The following OLFML2B variants were observed in gnomAD, a reference collection of about 807,000 sequenced individuals.
OLFML2B encodes the protein olfactomedin-like protein 2B.
In OLFML2B, 57 loss-of-function variants were observed where a neutral mutation model predicts 74.9. That is an observed-to-expected ratio of 0.76 (90% CI 0.61 to 0.95). OLFML2B has a LOEUF of 0.95. Ranked by LOEUF, OLFML2B falls within the 40% of genes least tolerant of loss-of-function variation. The probability of loss-of-function intolerance (pLI) is 0.00; values close to 1 mark genes in which losing one functional copy is unlikely to be tolerated. For synonymous variants in OLFML2B, 388 were observed against 405.8 expected, an observed-to-expected ratio of 0.96 and a Z score of 0.53; for missense variants, 986 against 970.6, an observed-to-expected ratio of 1.02 and a Z score of -0.21.
chr1:162,005,709 G>A (rs912395899), intron 4 of OLFML2B, among the ~76,000 whole-genome samples: 28 of 151,972 alleles, frequency 1.8e-4, no homozygotes, highest in African/African-American at 6.5e-4. Context: ...CGCATTTACA[G>A]AAAATACATA....
rs1558071727 is a variant in OLFML2B at position 162,023,257 on chromosome 1, C to T, written c.174G>A (p.Gln58=). Residue 58 remains glutamine, a splice_region_variant and synonymous_variant, in exon 1 of 8, where the codon CAG becomes CAA. Coordinates refer to ENST00000294794, the MANE Select transcript of OLFML2B (RefSeq NM_015441.3). The part of the protein sequence containing the change: ...EADNQENVLS[Q]LLGDYDKVKA... Reference sequence around the variant, plus strand: ...GCGGTCGTGGCACTCTGCATCCTACCTGAGATAAAACGTTCTCCTGGTTGT... The same window carrying T: ...GCGGTCGTGGCACTCTGCATCCTACTTGAGATAAAACGTTCTCCTGGTTGT... 2.6e-6 allele frequency: 4 copies of T among 1,530,914 alleles called. No homozygotes were observed. The highest frequency in any genetic ancestry group is 2.7e-6 in the Non-Finnish European group (3 of 1,131,018). The allele number at this position is 1,530,914 out of a possible 1,614,324, so 94.8% of individuals were successfully genotyped here.
chr1:162,015,961 C>A (rs962537211), intron 3 of OLFML2B, among the ~76,000 whole-genome samples: 1 of 152,180 alleles, frequency 6.6e-6, no homozygotes, highest in Non-Finnish European at 1.5e-5. Flanking sequence ...GACCTACCAA[C>A]CCTCCCAGAG....
intron 3 of OLFML2B, among the ~76,000 whole-genome samples, chr1:162,015,936 T>G (rs925830333): frequency 6.6e-6 from 1 of 152,176 alleles, no homozygotes; most frequent in Non-Finnish European, 1.5e-5. Context: ...AGACCTCATA[T>G]CTGATGTGAT....
chr1:161,986,474 C>T (rs1689595883), intron 6 of OLFML2B, among the ~76,000 whole-genome samples: 1 of 152,194 alleles, frequency 6.6e-6, no homozygotes. Context: ...GGCCCCATAG[C>T]TGGGTGCAGT....
chr1:162,013,372 T>C (rs1454899971), intron 3 of OLFML2B, among the ~76,000 whole-genome samples: 1 of 152,044 alleles, frequency 6.6e-6, no homozygotes, highest in Non-Finnish European at 1.5e-5. Context: ...GTTTCAGACC[T>C]CCCCCAGTGA....
chr1:162,004,542 G>T (rs553402049), intron 4 of OLFML2B, among the ~76,000 whole-genome samples: 52 of 152,220 alleles, frequency 3.4e-4, no homozygotes, highest in African/African-American at 1.2e-3. Context: ...CTCAGGGCTT[G>T]TTACCTCAAA....
At chr1:162,013,904 A>C (rs1690461224) in intron 3 of OLFML2B, among the ~76,000 whole-genome samples, 2 of 110,262 alleles carry the variant, frequency 1.8e-5, no homozygotes, top group South Asian at 6.3e-4. Context: ...ACACACACAC[A>C]CACACACACA....
Position 161,984,263 on chromosome 1 carries a change from A to G in OLFML2B, c.1665T>C (p.Asn555=), listed in dbSNP as rs759480457. 2.6e-6 allele frequency: 4 copies of G among 1,519,312 alleles called. No individual in the cohort carries two copies. The highest frequency in any genetic ancestry group is 1.3e-5 in the South Asian group (1 of 75,350). 94.1% of individuals were successfully genotyped at this position (1,519,312 alleles called of 1,614,324 possible). The stretch of plus-strand genomic sequence containing the variant: ...TCCAGCTGTACGGGAGCTTGTAGGA[A>G]TTGCTCCAGCGACCTGCAGGTGGGG... The part of the protein sequence containing the change: ...LENFKQGRWS[N]SYKLPYSWIG... Residue 555 remains asparagine (N), a synonymous_variant, in exon 8 of 8, where the codon AAT becomes AAC. Transcript: ENST00000294794.
chr1:161,985,138 A>C, intron 6 of OLFML2B, 158 bp from the exon 7 acceptor site: 3 of 594,282 alleles, frequency 5.0e-6, no homozygotes, highest in Admixed American at 3.4e-5. Context: ...ATCTCCTGCT[A>C]CTCCCCTGAT....
chr1:162,008,446 G>C (rs1157616302), intron 3 of OLFML2B, among the ~76,000 whole-genome samples: 3 of 152,184 alleles, frequency 2.0e-5, no homozygotes, highest in Non-Finnish European at 4.4e-5. Context: ...TGCTTCTTCA[G>C]CTCACCTGCT....
Position 161,997,824 on chromosome 1 carries a change from C to T in OLFML2B, c.1474+1G>A. On this transcript the variant is annotated splice_donor_variant, in intron 6 of 7. Transcript: ENST00000294794. LOFTEE classifies it high-confidence loss of function. ...ACCAAGGCCAGGTACAATGAACTTACCTATGACATTCCGGATGTCATCTTC... is the reference window on the plus strand; with the variant it reads ...ACCAAGGCCAGGTACAATGAACTTATCTATGACATTCCGGATGTCATCTTC... The T allele has an allele frequency of 1.2e-6, 2 of 1,610,760 alleles. No homozygotes were observed. The highest frequency in any genetic ancestry group is 8.5e-7 in the Non-Finnish European group (1 of 1,178,020).
rs1690235223 is a variant in OLFML2B, at chr1:162,006,454, G to T, written c.566C>A (p.Thr189Asn). The T allele has an allele frequency of 1.3e-6, 2 of 1,584,940 alleles. No homozygotes were observed. Among genetic ancestry groups the T allele is most frequent in the Admixed American group, 1.9e-5 (1 of 53,388 alleles). ...CTCTTTGATTTGTTCATTTTCCTTG[G>T]TGAGGTTTTTAGACACTTCCTGAGA... ...KLEEEVSKNL[T>N]KENEQIKEDM... Residue 189 changes from threonine to asparagine, a missense_variant, in exon 4 of 8, where the codon ACC (threonine) becomes AAC (asparagine). Thr to Asn is a moderately conservative substitution (Grantham distance 65, BLOSUM62 0). Coordinates refer to ENST00000294794, the MANE Select transcript of OLFML2B (RefSeq NM_015441.3).
At chr1:161,987,433 GGC>G (rs1689620586) in intron 6 of OLFML2B, among the ~76,000 whole-genome samples, 1 of 152,138 alleles carries the variant, frequency 6.6e-6, no homozygotes, top group Admixed American at 6.5e-5. Context: ...ATGACACAGA[GGC>G]AAAGGGAGAT....
At chr1:161,998,578 C>A (rs550202772) in intron 5 of OLFML2B, among the ~76,000 whole-genome samples, 3 of 152,282 alleles carry the variant, frequency 2.0e-5, no homozygotes, top group East Asian at 3.9e-4. Flanking sequence ...CATGCTCCCC[C>A]CAGGACTCAG....
chr1:161,999,991 G>T, intron 5 of OLFML2B, 122 bp downstream of exon 5: 1 of 747,372 alleles, frequency 1.3e-6, no homozygotes, highest in Non-Finnish European at 2.2e-6. Flanking sequence ...CAGGGCCACA[G>T]CAGTAATTGG....
chr1:161,990,998 C>CA (rs1195452619), intron 6 of OLFML2B, among the ~76,000 whole-genome samples: 1 of 152,210 alleles, frequency 6.6e-6, no homozygotes, highest in African/African-American at 2.4e-5. Flanking sequence ...CATCAGATTG[C>CA]AGCAATTCAG....
intron 3 of OLFML2B, among the ~76,000 whole-genome samples, chr1:162,015,622 A>ATTG (rs150687042): frequency 1.3e-5 from 2 of 152,332 alleles, no homozygotes; most frequent in East Asian, 3.8e-4. Context: ...ACTTCCCAAT[A>ATTG]TTGGACCTTG....
At chr1:161,994,909 A>G (rs753164180) in intron 6 of OLFML2B, among the ~76,000 whole-genome samples, 8 of 152,222 alleles carry the variant, frequency 5.3e-5, no homozygotes, top group Non-Finnish European at 1.2e-4. Context: ...GCTGTTTACA[A>G]CCACATCTTA....
At chr1:162,014,498 C>G (rs1007411837) in intron 3 of OLFML2B, among the ~76,000 whole-genome samples, 3 of 152,226 alleles carry the variant, frequency 2.0e-5, no homozygotes, top group African/African-American at 7.2e-5. Context: ...CAATCTGACC[C>G]CTTTTTTGTC....
Sources: gnomAD v4.1 joint callset for allele counts (sites outside exome capture counted in the v4.1 genomes callset) on GRCh38, gnomAD v4.1.1 for gene constraint, MANE v1.5 for transcripts, NCBI Gene and HGNC (gene_info 2026-07-23, HGNC 2026-07-21) for gene names.